Variants in PALLD observed in about 807,000 individuals in gnomAD.
The protein encoded by PALLD is palladin.
In PALLD, 61 loss-of-function variants were observed where a neutral mutation model predicts 123.5. That is an observed-to-expected ratio of 0.49 (90% CI 0.40 to 0.61). PALLD has a LOEUF of 0.61. Among genes scored for constraint, PALLD ranks in the 20% least tolerant of loss-of-function variants. The pLI is 0.00. For missense variants in PALLD, 1,273 were observed against 1,377.0 expected (o/e 0.92, Z 1.20); for synonymous variants, 465 against 496.4 (o/e 0.94, Z 0.84).
chr4:168,922,353 T>G lies in PALLD; in HGVS notation c.3058+612T>G, dbSNP rs904450234. On this transcript the variant is annotated intron_variant, in intron 18 of 21. Coordinates refer to ENST00000505667, the MANE Select transcript of PALLD (RefSeq NM_001166108.2). The stretch of plus-strand genomic sequence containing the variant: ...GTTAGGTGTTGAGTACCTGATCTCT[T>G]TTAAGAAAGAACATAACAAAACATT... Among the ~76,000 whole-genome samples, 37 of 152,194 alleles carry G rather than the reference T, an allele frequency of 2.4e-4. 2 individuals are homozygous for G. Among genetic ancestry groups the G allele is most frequent in the Admixed American group, 2.4e-3 (36 of 15,284 alleles).
chr4:168,922,087 A>T lies in PALLD; in HGVS notation c.3058+346A>T, dbSNP rs1031890284. 1.7e-4 allele frequency among the ~76,000 whole-genome samples: 18 copies of T among 105,050 alleles called. 1 individual carries two copies. The highest frequency in any genetic ancestry group is 3.2e-4 in the South Asian group (1 of 3,172). 68.9% of individuals were successfully genotyped at this position (105,050 alleles called of 152,430 possible). A position where few individuals can be genotyped will look rare whatever the true frequency, so the allele number is the denominator to read the frequency against. Reference sequence around the variant, plus strand: ...TGCTTATATATAAAGTTTTATATTTATATATATATATATATACACACACAC... The same window carrying T: ...TGCTTATATATAAAGTTTTATATTTTTATATATATATATATACACACACAC... On this transcript the variant is annotated intron_variant, in intron 18 of 21. Coordinates refer to ENST00000505667, the MANE Select transcript of PALLD (RefSeq NM_001166108.2).
intron 15 of PALLD, among the ~76,000 whole-genome samples, chr4:168,910,213 CTGTT>C (rs1280069963): frequency 7.1e-6 from 1 of 141,802 alleles, no homozygotes; most frequent in Non-Finnish European, 1.5e-5. Context: ...GTATGCCAAC[CTGTT>C]TACTTTTTTT....
chr4:168,795,248 C>T (rs1287589030), intron 10 of PALLD, among the ~76,000 whole-genome samples: 1 of 152,178 alleles, frequency 6.6e-6, no homozygotes, highest in Non-Finnish European at 1.5e-5. Context: ...AGCTTTACCA[C>T]CATTTGAAAA....
At chr4:168,783,749 G>A (rs1434358633) in intron 10 of PALLD, among the ~76,000 whole-genome samples, 1 of 152,198 alleles carries the variant, frequency 6.6e-6, no homozygotes, top group Non-Finnish European at 1.5e-5. Flanking sequence ...GGAGGTAGAG[G>A]TGGGGATTGG....
intron 8 of PALLD, among the ~76,000 whole-genome samples, chr4:168,697,817 C>T (rs1783281898): frequency 6.6e-6 from 1 of 152,136 alleles, no homozygotes; most frequent in Non-Finnish European, 1.5e-5. Context: ...TAATGGAACA[C>T]TAGGCATAAA....
intron 15 of PALLD, 132 bp from the exon 16 acceptor site, chr4:168,913,795 A>G (rs1759543111): frequency 1.4e-6 from 1 of 714,230 alleles, no homozygotes; most frequent in Admixed American, 2.0e-5. Context: ...GAAAAGGGTT[A>G]GTCATTACTC....
At chr4:168,829,670 C>T (rs965154900) in intron 10 of PALLD, among the ~76,000 whole-genome samples, 2 of 152,212 alleles carry the variant, frequency 1.3e-5, no homozygotes, top group Non-Finnish European at 2.9e-5. Flanking sequence ...CAAGAAAACC[C>T]TGCTGCAGGC....
In PALLD at chr4:168,760,478, T is replaced by C. The variant is rs144912032; in HGVS notation, c.1964+48555T>C. Among the ~76,000 whole-genome samples the C allele has an allele frequency of 6.6e-3, 1,009 of 152,252 alleles. 5 individuals are homozygous for C. The highest frequency in any genetic ancestry group is 0.011 in the Non-Finnish European group (735 of 68,024). On this transcript the variant is annotated intron_variant, in intron 10 of 21. Transcript: ENST00000505667. ...CCTCAAATCTATGAGGTTTCTATGATCTCTTTCATCTCTTCTCTTTCTCGT... is the reference window on the plus strand; with the variant it reads ...CCTCAAATCTATGAGGTTTCTATGACCTCTTTCATCTCTTCTCTTTCTCGT...
chr4:168,604,773 G>A (rs892318059), intron 2 of PALLD, among the ~76,000 whole-genome samples: 2 of 152,148 alleles, frequency 1.3e-5, no homozygotes, highest in East Asian at 1.9e-4. Context: ...CCAAAATTCC[G>A]ACACAGACCT....
chr4:168,904,963 C>T (rs1029470479), intron 15 of PALLD, among the ~76,000 whole-genome samples: 1 of 151,726 alleles, frequency 6.6e-6, no homozygotes, highest in African/African-American at 2.4e-5. Context: ...CCTGTCTCTA[C>T]TAAAAATACA....
chr4:168,518,140 C>T (rs1274347883), intron 2 of PALLD, among the ~76,000 whole-genome samples: 1 of 152,134 alleles, frequency 6.6e-6, no homozygotes, highest in East Asian at 1.9e-4. Flanking sequence ...CATTCTCGAT[C>T]CCTCTTTTTC....
intron 2 of PALLD, among the ~76,000 whole-genome samples, chr4:168,558,266 C>A (rs1363917541): frequency 6.6e-6 from 1 of 152,210 alleles, no homozygotes; most frequent in African/African-American, 2.4e-5. Context: ...ATCAGCGCTT[C>A]CCTGGCTCCT....
At position 168,903,752 on chromosome 4, in the gene PALLD, C is replaced by A. The variant is rs999804738; in HGVS notation, c.2473-5C>A. ...CTAATCTTTAATCTTTGTTTCTATTCACAGATCTATTGGTTTAAAGATGGG... is the reference window on the plus strand; with the variant it reads ...CTAATCTTTAATCTTTGTTTCTATTAACAGATCTATTGGTTTAAAGATGGG... On this transcript the variant is annotated splice_polypyrimidine_tract_variant and splice_region_variant and intron_variant, in intron 14 of 21. Transcript: ENST00000505667. 6.2e-6 allele frequency: 10 copies of A among 1,606,780 alleles called. No individual in the cohort carries two copies. The highest frequency in any genetic ancestry group is 8.5e-6 in the Non-Finnish European group (10 of 1,173,612).
intron 10 of PALLD, among the ~76,000 whole-genome samples, chr4:168,851,276 GAAGA>G (rs1406492700): frequency 6.6e-6 from 1 of 152,194 alleles, no homozygotes; most frequent in Non-Finnish European, 1.5e-5. Context: ...ATATAAAATG[GAAGA>G]GAGAGGCAGG....
chr4:168,878,472 G>A, intron 10 of PALLD: 2 of 1,132,140 alleles, frequency 1.8e-6, no homozygotes, highest in East Asian at 3.0e-5. Flanking sequence ...CTCCATACAC[G>A]CGCTCCCATC....
chr4:168,581,532 C>T (rs1276054294), intron 2 of PALLD, among the ~76,000 whole-genome samples: 1 of 151,774 alleles, frequency 6.6e-6, no homozygotes, highest in Non-Finnish European at 1.5e-5. Context: ...ATTTGTTGGC[C>T]ATTTGTTTTC....
intron 2 of PALLD, among the ~76,000 whole-genome samples, chr4:168,655,442 T>G (rs1778463726): frequency 6.6e-6 from 1 of 152,170 alleles, no homozygotes; most frequent in South Asian, 2.1e-4. Flanking sequence ...TGAACACCAT[T>G]AGATTAGACT....
chr4:168,594,669 G>A lies in PALLD; in HGVS notation c.909-73521G>A, dbSNP rs193168951. The stretch of plus-strand genomic sequence containing the variant: ...TATATTACAAATGAGCATTCAGTAA[G>A]TCATCTCAAAGATATTATATACAGA... On this transcript the variant is annotated intron_variant, in intron 2 of 21. Coordinates refer to ENST00000505667, the MANE Select transcript of PALLD (RefSeq NM_001166108.2). Among the ~76,000 whole-genome samples, 5 of 152,224 alleles carry A rather than the reference G, an allele frequency of 3.3e-5. No homozygotes were observed. In the East Asian group the frequency reaches 9.6e-4, roughly 29 times the overall value.
At chr4:168,720,229 A>T (rs1184882921) in intron 10 of PALLD, among the ~76,000 whole-genome samples, 1 of 152,210 alleles carries the variant, frequency 6.6e-6, no homozygotes, top group Admixed American at 6.5e-5. Context: ...GCATCATACA[A>T]ATTTTGTAGA....
Sources: gnomAD v4.1 joint callset for allele counts (sites outside exome capture counted in the v4.1 genomes callset) on GRCh38, gnomAD v4.1.1 for gene constraint, MANE v1.5 for transcripts, NCBI Gene and HGNC (gene_info 2026-07-23, HGNC 2026-07-21) for gene names.